Variants in HMGXB3 observed in about 807,000 individuals in gnomAD.
HMGXB3 encodes HMG domain-containing protein 3.
HMGXB3 carries 45 observed loss-of-function variants against 121.5 expected under a neutral mutation model. The ratio of observed to expected loss-of-function variants is 0.37; its 90% CI spans 0.29 to 0.47. The LOEUF (loss-of-function observed/expected upper bound fraction) is 0.47. Ranked by LOEUF, HMGXB3 falls within the 20% of genes least tolerant of loss-of-function variation. The probability of loss-of-function intolerance (pLI) is 0.99; values close to 1 mark genes in which losing one functional copy is unlikely to be tolerated. For synonymous variants in HMGXB3, 590 were observed against 624.1 expected (o/e 0.95, Z 0.81); for missense variants, 1,376 against 1,602.2 (o/e 0.86, Z 2.41).
At chr5:150,038,845 T>C (rs1756558884) in intron 13 of HMGXB3, among the ~76,000 whole-genome samples, 1 of 152,208 alleles carries the variant, frequency 6.6e-6, no homozygotes, top group Non-Finnish European at 1.5e-5. Flanking sequence ...CTGTTCCCCA[T>C]GGGAGGATAT....
At position 150,004,883 on chromosome 5, in the gene HMGXB3, A is replaced by G; in HGVS notation, c.31A>G (p.Thr11Ala). The part of the protein sequence containing the change: MDASYDGTEV[T>A]VVMEEIEEAY... ...CGCATCATATGATGGTACTGAGGTA[A>G]CTGTCGTGATGGAGGAAATTGAGGA... Residue 11 changes from threonine to alanine, a missense_variant, in exon 2 of 20, where the codon ACT (threonine) becomes GCT (alanine). Around this residue, in one of 2 missense-constraint regions of HMGXB3, gnomAD observed 1,116 missense variants for 1,369.0 expected, o/e 0.82. Coordinates refer to ENST00000502717, the MANE Select transcript of HMGXB3 (RefSeq NM_014983.3). The G allele has an allele frequency of 6.4e-7, 1 of 1,551,604 alleles. No individual in the cohort carries two copies. Among genetic ancestry groups the G allele is most frequent in the Non-Finnish European group, 8.7e-7 (1 of 1,146,896 alleles).
Position 150,036,655 on chromosome 5 carries a change from C to G in HMGXB3, c.2003C>G (p.Pro668Arg). The change falls in exon 12 of 20, where the codon CCA (proline) becomes CGA (arginine). Residue 668 changes from proline (P) to arginine (R), a missense_variant. Physicochemically the swap from Pro to Arg is moderately radical, Grantham distance 103. This residue lies in a region of HMGXB3 where 1,116 missense variants were observed against 1,369.0 expected (regional missense o/e 0.82). Coordinates refer to ENST00000502717, the MANE Select transcript of HMGXB3 (RefSeq NM_014983.3). ...TCCCAGGAGGTGAGCTCACCACTCCCAGATGTACTGAATGCCACAGAGCCC... is the reference window on the plus strand; with the variant it reads ...TCCCAGGAGGTGAGCTCACCACTCCGAGATGTACTGAATGCCACAGAGCCC... The part of the protein sequence containing the change: ...TKAIEVSSPL[P>R]DVLNATEPLS... The G allele has an allele frequency of 6.5e-7, 1 of 1,548,256 alleles. No individual in the cohort carries two copies. The highest frequency in any genetic ancestry group is 8.7e-7 in the Non-Finnish European group (1 of 1,145,622).
chr5:150,051,486 C>T (rs546981941), intron 19 of HMGXB3, among the ~76,000 whole-genome samples: 10 of 152,264 alleles, frequency 6.6e-5, no homozygotes, highest in South Asian at 4.1e-4. Context: ...CTGAATGGAC[C>T]GGGGGCAATA....
rs1454024539 is a variant in HMGXB3 at position 150,006,628 on chromosome 5, A to G, written c.293A>G (p.Glu98Gly). The G allele has an allele frequency of 6.4e-7, 1 of 1,552,242 alleles. No homozygotes were observed. The highest frequency in any genetic ancestry group is 2.0e-5 in the Admixed American group (1 of 51,016). ...TACTACTTGGAGAAAGCCAAACTAG[A>G]GAAGGAAGGTTTGGATCCTGTAAGT... is the stretch of plus-strand genomic sequence containing the variant. Reference protein sequence around the residue: ...RSYYLEKAKLEKEGLDPNSKL... With the variant: ...RSYYLEKAKLGKEGLDPNSKL... Residue 98 changes from glutamate (E) to glycine (G), a missense_variant, in exon 3 of 20, where the codon GAG becomes GGG. By Grantham distance (98) the Glu-to-Gly change is moderately conservative. This residue lies in a region of HMGXB3 where 1,116 missense variants were observed against 1,369.0 expected (regional missense o/e 0.82). Coordinates refer to ENST00000502717, the MANE Select transcript of HMGXB3 (RefSeq NM_014983.3).
Position 150,028,501 on chromosome 5 carries a change from A to ATGTGTGTGTGTG in HMGXB3, c.1734+1387_1734+1388insGTGTGTGTGTGT, listed in dbSNP as rs1184146545. Among the ~76,000 whole-genome samples, 193 of 96,818 alleles carry ATGTGTGTGTGTG rather than the reference A, an allele frequency of 2.0e-3. 5 individuals carry two copies. Among genetic ancestry groups the ATGTGTGTGTGTG allele is most frequent in the African/African-American group, 6.7e-3 (169 of 25,112 alleles). The allele number at this position is 96,818 out of a possible 152,430, so 63.5% of individuals were successfully genotyped here. On this transcript the variant is annotated intron_variant, in intron 9 of 19. Coordinates refer to ENST00000502717, the MANE Select transcript of HMGXB3 (RefSeq NM_014983.3). ...TTGATATATATATGTATATATATGT[A>ATGTGTGTGTGTG]TGTATGTGTGTGTGTGTGTGTGTGT...
In HMGXB3 at chr5:150,048,391, G is replaced by A. The variant is rs547955579; in HGVS notation, c.3085-178G>A. ...TTTGTCTGTGACCTAATCCTTTCAG[G>A]GCCTCCGATTGCTTACCTGTACCTA... On this transcript the variant is annotated intron_variant, in intron 17 of 19. Transcript: ENST00000502717. Among the ~76,000 whole-genome samples, 5 of 111,764 alleles carry A rather than the reference G, an allele frequency of 4.5e-5. No individual in the cohort carries two copies. The Admixed American group carries it at 4.8e-4, about 11-fold the overall frequency. 73.3% of individuals were successfully genotyped at this position (111,764 alleles called of 152,430 possible). A position where few individuals can be genotyped will look rare whatever the true frequency, so the allele number is the denominator to read the frequency against.
rs374452304 is a variant in HMGXB3 at position 150,042,708 on chromosome 5, T to C, written c.2730+739T>C. On this transcript the variant is annotated intron_variant, in intron 15 of 19. Transcript: ENST00000502717. ...TTTTAAGGACTTACACAGAGTGAAATGGAGAGCCACTGAAGGGGTTGGAGG... is the reference window on the plus strand; with the variant it reads ...TTTTAAGGACTTACACAGAGTGAAACGGAGAGCCACTGAAGGGGTTGGAGG... Among the ~76,000 whole-genome samples the C allele has an allele frequency of 7.2e-5, 11 of 152,028 alleles. No homozygotes were observed. The East Asian group carries it at 2.1e-3, about 29-fold the overall frequency.
intron 11 of HMGXB3, among the ~76,000 whole-genome samples, chr5:150,035,480 C>T (rs774712590): frequency 2.6e-5 from 4 of 152,152 alleles, no homozygotes; most frequent in Non-Finnish European, 4.4e-5. Flanking sequence ...GATTTGGAGA[C>T]GGTAAACATC....
Sources: gnomAD v4.1 joint callset for allele counts (sites outside exome capture counted in the v4.1 genomes callset) on GRCh38, gnomAD v4.1.1 for gene constraint, gnomAD v4.1.1 regional missense constraint, MANE v1.5 for transcripts, NCBI Gene and HGNC (gene_info 2026-07-23, HGNC 2026-07-21) for gene names.